The following SLC9A1 variants were observed in gnomAD, a reference collection of about 807,000 sequenced individuals.
SLC9A1 encodes sodium/hydrogen exchanger 1.
In SLC9A1, 22 loss-of-function variants were observed where a neutral mutation model predicts 67.9. The observed-to-expected ratio is 0.32, with a 90% confidence interval of 0.23 to 0.46. The LOEUF (loss-of-function observed/expected upper bound fraction) is 0.46. Among genes scored for constraint, SLC9A1 ranks in the 20% least tolerant of loss-of-function variants. SLC9A1 has a pLI of 1.00. For synonymous variants in SLC9A1, 421 were observed against 471.8 expected, an observed-to-expected ratio of 0.89 and a Z score of 1.40; for missense variants, 686 against 1,094.8, an observed-to-expected ratio of 0.63 and a Z score of 5.27.
At position 27,106,339 on chromosome 1, in the gene SLC9A1, G is replaced by A. The variant is rs1161010085; in HGVS notation, c.1283-252C>T. Among the ~76,000 whole-genome samples the A allele has an allele frequency of 3.0e-4, 46 of 152,168 alleles. No individual in the cohort carries two copies. The highest frequency in any genetic ancestry group is 3.0e-3 in the Admixed American group (46 of 15,270). Reference sequence around the variant, plus strand: ...CATGGAGGCCTCCAGTGGCTGGAGGGCTGGGGGCAGGAAGAGGGAGAAAAG... The same window carrying A: ...CATGGAGGCCTCCAGTGGCTGGAGGACTGGGGGCAGGAAGAGGGAGAAAAG... On this transcript the variant is annotated intron_variant, in intron 4 of 11. Coordinates refer to ENST00000263980, the MANE Select transcript of SLC9A1 (RefSeq NM_003047.5). This position sits in a 1 kb window ranked among gnomAD's most constrained non-coding sequence, Gnocchi z 4.3.
rs900913812 is a variant in SLC9A1 at position 27,100,217 on chromosome 1, C to A, written c.*90G>T. On this transcript the variant is annotated 3_prime_UTR_variant, in exon 12 of 12. Coordinates refer to ENST00000263980, the MANE Select transcript of SLC9A1 (RefSeq NM_003047.5). The surrounding 1 kb of genome is among the most constrained non-coding windows in gnomAD (Gnocchi z 5.6). Reference sequence around the variant, plus strand: ...GGTAGGGGGAGGGGCAGGGCCAATCCGGGTCAGGAAGGGCAAGGGGAGCCC... The same window carrying A: ...GGTAGGGGGAGGGGCAGGGCCAATCAGGGTCAGGAAGGGCAAGGGGAGCCC... 4.0e-6 allele frequency: 4 copies of A among 992,908 alleles called. No individual in the cohort carries two copies. The East Asian group carries it at 8.3e-5, about 21-fold the overall frequency. 61.5% of individuals were successfully genotyped at this position (992,908 alleles called of 1,614,324 possible).
At chr1:27,107,898 T>A (rs550211590) in intron 3 of SLC9A1, 33 bp from the exon 4 acceptor site, 2 of 1,497,102 alleles carry the variant, frequency 1.3e-6, no homozygotes, top group African/African-American at 1.4e-5. Flanking sequence ...CAGGGCTCCG[T>A]GTCGAGCTGC....
rs1557736779 is a variant in SLC9A1 at position 27,102,717 on chromosome 1, G to A, written c.1602C>T (p.Ile534=). 3 of 1,613,744 alleles carry A rather than the reference G, an allele frequency of 1.9e-6. No individual in the cohort carries two copies. Among genetic ancestry groups the A allele is most frequent in the Middle Eastern group, 1.7e-4 (1 of 6,038 alleles). The change falls in exon 7 of 12, where the codon ATC becomes ATT. Residue 534 remains isoleucine, a synonymous_variant. Coordinates refer to ENST00000263980, the MANE Select transcript of SLC9A1 (RefSeq NM_003047.5). ...GACCGTAGTGGCCACAGATGTCTTC[G>A]ATGCCTGTCAGAAGGTGGTCCAGGA... ...TQFLDHLLTG[I]EDICGHYGHH...
intron 1 of SLC9A1, among the ~76,000 whole-genome samples, chr1:27,141,842 A>G (rs1037022884): frequency 4.6e-5 from 7 of 152,136 alleles, no homozygotes; most frequent in Non-Finnish European, 1.0e-4. Flanking sequence ...CAGCATCCAG[A>G]TTCCTGTGGG....
At chr1:27,151,936 G>A (rs1161769594) in intron 1 of SLC9A1, among the ~76,000 whole-genome samples, 1 of 152,144 alleles carries the variant, frequency 6.6e-6, no homozygotes, top group East Asian at 1.9e-4. Flanking sequence ...ATTTTACAAT[G>A]GGAAAACTGA....
intron 6 of SLC9A1, 33 bp from the exon 7 acceptor site, chr1:27,102,776 C>A: frequency 6.3e-7 from 1 of 1,595,488 alleles, no homozygotes; most frequent in Non-Finnish European, 8.6e-7. Context: ...TCAAGCCTCG[C>A]TGTGGGGCGC....
At chr1:27,148,656 ACT>A (rs2083505166) in intron 1 of SLC9A1, among the ~76,000 whole-genome samples, 1 of 152,200 alleles carries the variant, frequency 6.6e-6, no homozygotes, top group African/African-American at 2.4e-5. Context: ...CCACAGGACC[ACT>A]GAGAAGATCT....
In SLC9A1 at chr1:27,139,669, G is replaced by T. The variant is rs530832981; in HGVS notation, c.352+14314C>A. On this transcript the variant is annotated intron_variant, in intron 1 of 11. Transcript: ENST00000263980. ...GGCGTGTTTGGGGGTGAGGTGGAAG[G>T]GTTGGAAACATCCCAATGAGTTTTA... 3.7e-4 allele frequency among the ~76,000 whole-genome samples: 56 copies of T among 152,284 alleles called. No homozygotes were observed. In the South Asian group the frequency reaches 0.011, roughly 29 times the overall value.
chr1:27,124,005 C>CCA (rs1553176941), intron 1 of SLC9A1, among the ~76,000 whole-genome samples: 1 of 152,076 alleles, frequency 6.6e-6, no homozygotes, highest in Non-Finnish European at 1.5e-5. Flanking sequence ...GTATTTCAAG[C>CCA]CACCATCTCC....
At chr1:27,121,632 A>T (rs2083305398) in intron 1 of SLC9A1, among the ~76,000 whole-genome samples, 1 of 152,140 alleles carries the variant, frequency 6.6e-6, no homozygotes, top group Admixed American at 6.5e-5. Flanking sequence ...GTGATAGAGG[A>T]TCACAGCCTC....
intron 1 of SLC9A1, among the ~76,000 whole-genome samples, chr1:27,138,869 G>C (rs2083436542): frequency 6.6e-6 from 1 of 152,146 alleles, no homozygotes; most frequent in Admixed American, 6.5e-5. Context: ...ACCATGCTCT[G>C]GTTTACAGGT....
intron 8 of SLC9A1, 62 bp from the exon 9 acceptor site, chr1:27,102,192 T>C (rs1048011440): frequency 2.0e-6 from 3 of 1,486,812 alleles, no homozygotes; most frequent in African/African-American, 1.4e-5. Flanking sequence ...CCTCCCAGGT[T>C]TGGCCAGAAG....
intron 1 of SLC9A1, among the ~76,000 whole-genome samples, chr1:27,124,858 G>A (rs988755990): frequency 1.3e-5 from 2 of 152,154 alleles, no homozygotes; most frequent in African/African-American, 2.4e-5. Context: ...GAGTAGGGCA[G>A]AAAAGATGGG....
In SLC9A1 at chr1:27,101,847, G is replaced by A; in HGVS notation, c.1936-21C>T. 6.4e-7 allele frequency: 1 copy of A among 1,572,164 alleles called. No homozygotes were observed. The highest frequency in any genetic ancestry group is 1.7e-5 in the Admixed American group (1 of 59,770). The stretch of plus-strand genomic sequence containing the variant: ...CGCAGCTGTGGGAGGGACAGCGTCA[G>A]GGCAGTGCGGGCCCCGGAAGGCTCT... On this transcript the variant is annotated intron_variant, in intron 9 of 11. Transcript: ENST00000263980. The surrounding 1 kb of genome is among the most constrained non-coding windows in gnomAD (Gnocchi z 4.9).
intron 1 of SLC9A1, among the ~76,000 whole-genome samples, chr1:27,131,330 C>T (rs570221088): frequency 6.6e-6 from 1 of 151,304 alleles, no homozygotes; most frequent in African/African-American, 2.4e-5. Flanking sequence ...TGGTGGCTCA[C>T]GCCTGTACTC....
At chr1:27,112,222 G>T (rs998162961) in intron 2 of SLC9A1, among the ~76,000 whole-genome samples, 3 of 152,200 alleles carry the variant, frequency 2.0e-5, no homozygotes, top group African/African-American at 7.2e-5. Flanking sequence ...GCCTGCTCAG[G>T]TCAGGCTATT....
At position 27,100,493 on chromosome 1, in the gene SLC9A1, C is replaced by A; in HGVS notation, c.2262G>T (p.Glu754Asp). 6.2e-7 allele frequency: 1 copy of A among 1,614,136 alleles called. No individual in the cohort carries two copies. Among genetic ancestry groups the A allele is most frequent in the Non-Finnish European group, 8.5e-7 (1 of 1,179,974 alleles). ...LSRDPAKVAE[E>D]DEDDDGGIMM... ...TGATGCCCCCATCGTCGTCCTCGTC[C>A]TCCTCAGCCACCTTTGCAGGATCCC... Residue 754 changes from glutamate to aspartate, a missense_variant, in exon 12 of 12, where the codon GAG (glutamate) becomes GAT (aspartate). Coordinates refer to ENST00000263980, the MANE Select transcript of SLC9A1 (RefSeq NM_003047.5). The surrounding 1 kb of genome is among the most constrained non-coding windows in gnomAD (Gnocchi z 5.6).
At chr1:27,117,671 G>T (rs1007240884) in intron 1 of SLC9A1, among the ~76,000 whole-genome samples, 1 of 152,128 alleles carries the variant, frequency 6.6e-6, no homozygotes, top group Non-Finnish European at 1.5e-5. Flanking sequence ...AGCCTGGCAC[G>T]CACCATCTCA....
intron 1 of SLC9A1, among the ~76,000 whole-genome samples, chr1:27,145,033 G>A (rs2083476180): frequency 6.7e-6 from 1 of 148,210 alleles, no homozygotes; most frequent in African/African-American, 2.5e-5. Context: ...CTCCAACCCA[G>A]GCGAAGAGCA....
Sources: allele counts gnomAD v4.1 joint callset (sites outside exome capture counted in the v4.1 genomes callset), GRCh38; gene constraint gnomAD v4.1.1; non-coding constraint Gnocchi (gnomAD v3.1); transcripts MANE v1.5; gene names NCBI Gene and HGNC (gene_info 2026-07-23, HGNC 2026-07-21).